Variants in PRRC2B observed in about 807,000 individuals in gnomAD.
PRRC2B encodes protein PRRC2B.
PRRC2B carries 68 observed loss-of-function variants against 242.3 expected under a neutral mutation model. That is an observed-to-expected ratio of 0.28 (90% CI 0.23 to 0.34). PRRC2B has a LOEUF of 0.34. PRRC2B is among the 10% of genes least tolerant of loss of function. PRRC2B has a pLI of 1.00. For synonymous variants in PRRC2B, 1,228 were observed against 1,173.6 expected (o/e 1.05, Z -0.95); for missense variants, 2,835 against 2,954.8 (o/e 0.96, Z 0.94).
intron 25 of PRRC2B, among the ~76,000 whole-genome samples, chr9:131,485,434 GT>G (rs1943991875): frequency 6.6e-6 from 1 of 152,168 alleles, no homozygotes; most frequent in African/African-American, 2.4e-5. Flanking sequence ...TGCTGGAGCC[GT>G]GTCGCCTCGG....
In PRRC2B at chr9:131,438,392, C is replaced by T. The variant is rs974342041; in HGVS notation, c.397-597C>T. On this transcript the variant is annotated intron_variant, in intron 4 of 31. Coordinates refer to ENST00000683519, the MANE Select transcript of PRRC2B (RefSeq NM_013318.4). ...TCTCAGGGGGTGGTGAGCATTCAGTCAGGCTGGGTGTGCTTCGCATAATGC... is the reference window on the plus strand; with the variant it reads ...TCTCAGGGGGTGGTGAGCATTCAGTTAGGCTGGGTGTGCTTCGCATAATGC... Among the ~76,000 whole-genome samples the T allele has an allele frequency of 3.3e-5, 5 of 152,080 alleles. No individual in the cohort carries two copies. In the South Asian group the frequency reaches 6.2e-4, roughly 19 times the overall value.
intron 1 of PRRC2B, among the ~76,000 whole-genome samples, chr9:131,386,950 A>G (rs1362140272): frequency 6.7e-6 from 1 of 150,136 alleles, no homozygotes; most frequent in Admixed American, 7.0e-5. Flanking sequence ...CCAAAACTGA[A>G]GAACTTTGGG....
chr9:131,400,574 T>C (rs1837202449), intron 1 of PRRC2B, among the ~76,000 whole-genome samples: 1 of 152,140 alleles, frequency 6.6e-6, no homozygotes, highest in Admixed American at 6.5e-5. Flanking sequence ...TGCCTTGGCC[T>C]CCCAAAGTGC....
chr9:131,394,138 G>A lies in PRRC2B; in HGVS notation c.-177G>A, dbSNP rs1281528771. On this transcript the variant is annotated 5_prime_UTR_variant, in exon 1 of 32. Coordinates refer to ENST00000683519, the MANE Select transcript of PRRC2B (RefSeq NM_013318.4). ...AGCGACGAGCGAGCCCGGGAGGAGGGAGGGAGCGAGCGAGCGAGCAGCCCG... is the reference window on the plus strand; with the variant it reads ...AGCGACGAGCGAGCCCGGGAGGAGGAAGGGAGCGAGCGAGCGAGCAGCCCG... 1 of 149,248 alleles carries A rather than the reference G, an allele frequency of 6.7e-6. No homozygotes were observed. Among genetic ancestry groups the A allele is most frequent in the Non-Finnish European group, 1.5e-5 (1 of 66,562 alleles). The allele number at this position is 149,248 out of a possible 1,614,324, so 9.2% of individuals were successfully genotyped here. A position where few individuals can be genotyped will look rare whatever the true frequency, so the allele number is the denominator to read the frequency against.
intron 1 of PRRC2B, among the ~76,000 whole-genome samples, chr9:131,388,711 T>G (rs1836858200): frequency 1.3e-5 from 2 of 149,716 alleles, no homozygotes; most frequent in Non-Finnish European, 3.0e-5. Flanking sequence ...GCTCAGCTAA[T>G]TTTTGTATTT....
chr9:131,466,947 G>A (rs1399869183), intron 12 of PRRC2B, among the ~76,000 whole-genome samples: 1 of 152,030 alleles, frequency 6.6e-6, no homozygotes, highest in African/African-American at 2.4e-5. Flanking sequence ...GACTACAGGT[G>A]CCCGCCACCA....
intron 1 of PRRC2B, among the ~76,000 whole-genome samples, chr9:131,374,105 T>A (rs576141930): frequency 1.3e-4 from 20 of 151,546 alleles, no homozygotes; most frequent in Admixed American, 8.5e-4. Context: ...AAAGGTAACG[T>A]TTGAGGTAAT....
intron 1 of PRRC2B, among the ~76,000 whole-genome samples, chr9:131,385,993 A>G (rs1216423856): frequency 6.6e-6 from 1 of 150,488 alleles, no homozygotes; most frequent in Non-Finnish European, 1.5e-5. Context: ...GCGCCCGGCC[A>G]TCATTCTTAT....
In PRRC2B at chr9:131,426,065, C is replaced by T. The variant is rs552706515; in HGVS notation, c.-51-4029C>T. 2.1e-4 allele frequency among the ~76,000 whole-genome samples: 32 copies of T among 151,816 alleles called. No individual in the cohort carries two copies. In the South Asian group the frequency reaches 5.0e-3, roughly 24 times the overall value. On this transcript the variant is annotated intron_variant, in intron 1 of 31. Transcript: ENST00000683519. ...AGAAATCATTCGATGTTGCCAGGCACGGTGGCTCATGTCTTTAATCCCAGC... is the reference window on the plus strand; with the variant it reads ...AGAAATCATTCGATGTTGCCAGGCATGGTGGCTCATGTCTTTAATCCCAGC...
At chr9:131,465,104 A>T (rs772553207) in intron 12 of PRRC2B, 26 bp downstream of exon 12, 46 of 1,580,502 alleles carry the variant, frequency 2.9e-5, no homozygotes, top group Non-Finnish European at 2.6e-6. Context: ...TCTTCCCACC[A>T]ACTGGAAACC....
intron 26 of PRRC2B, among the ~76,000 whole-genome samples, chr9:131,486,901 C>CA (rs1199015770): frequency 1.3e-5 from 2 of 152,242 alleles, no homozygotes; most frequent in Non-Finnish European, 1.5e-5. Context: ...TTTTGGAACT[C>CA]ACCTCTGTTG....
chr9:131,424,260 T>C (rs1365806856), intron 1 of PRRC2B, among the ~76,000 whole-genome samples: 1 of 152,170 alleles, frequency 6.6e-6, no homozygotes, highest in Admixed American at 6.5e-5. Flanking sequence ...ATTATTTCTG[T>C]GGCTGTCAGT....
chr9:131,496,010 C>A lies in PRRC2B; in HGVS notation c.*136C>A, dbSNP rs1944325062. On this transcript the variant is annotated 3_prime_UTR_variant, in exon 32 of 32. Transcript: ENST00000683519. ...CCAGACTGAGAGACCTCCCTCCTCT[C>A]CACTCCCGAAAGCTCCGTTGTCAAC... is the stretch of plus-strand genomic sequence containing the variant. The A allele has an allele frequency of 8.2e-7, 1 of 1,220,680 alleles. No homozygotes were observed. Among genetic ancestry groups the A allele is most frequent in the Non-Finnish European group, 1.1e-6 (1 of 889,908 alleles). The allele number at this position is 1,220,680 out of a possible 1,614,324, so 75.6% of individuals were successfully genotyped here.
Position 131,491,485 on chromosome 9 carries a change from A to C in PRRC2B, c.6286A>C (p.Ile2096Leu), listed in dbSNP as rs374251056. The C allele has an allele frequency of 1.2e-6, 2 of 1,612,402 alleles. No homozygotes were observed. The highest frequency in any genetic ancestry group is 1.1e-5 in the South Asian group (1 of 90,868). Residue 2096 changes from isoleucine (I) to leucine (L), a missense_variant, in exon 29 of 32, where the codon ATT (isoleucine) becomes CTT (leucine). Physicochemically the swap from Ile to Leu is conservative, Grantham distance 5. Transcript: ENST00000683519. ...GQQPLILPQSIQLPPGQSLSV... is the reference protein window; with the variant it reads ...GQQPLILPQSLQLPPGQSLSV... The stretch of plus-strand genomic sequence containing the variant: ...GCAGCCACTGATCCTGCCCCAGTCT[A>C]TTCAGCTGCCACCTGGGCAGAGCCT...
At chr9:131,399,700 C>T (rs1019152376) in intron 1 of PRRC2B, among the ~76,000 whole-genome samples, 1 of 152,212 alleles carries the variant, frequency 6.6e-6, no homozygotes, top group African/African-American at 2.4e-5. Context: ...CTGATAATGT[C>T]TGTGTTTTCT....
Position 131,478,635 on chromosome 9 carries a change from TGGGGGGG to T in PRRC2B, c.4758+17_4758+23del. 5.7e-6 allele frequency: 1 copy of T among 176,686 alleles called. No homozygotes were observed. Among genetic ancestry groups the T allele is most frequent in the Non-Finnish European group, 1.1e-5 (1 of 89,452 alleles). The allele number at this position is 176,686 out of a possible 1,614,324, so 10.9% of individuals were successfully genotyped here. A position where few individuals can be genotyped will look rare whatever the true frequency, so the allele number is the denominator to read the frequency against. ...GGCCGTGCAGGTGAGGGGCGGAGGG[TGGGGGGG>T]CATGGGGCTGGAGGGCAGGCTGGCA... On this transcript the variant is annotated intron_variant, in intron 18 of 31. Transcript: ENST00000683519.
In PRRC2B at chr9:131,447,174, T is replaced by A; in HGVS notation, c.945T>A (p.Pro315=). ...AGCTCCGCCTTGAACCTCGAGTTCC[T>A]TTTAGACAGTTCCAGATGAATGACC... The part of the protein sequence containing the change: ...LPQLRLEPRV[P]FRQFQMNDQD... Residue 315 remains proline, a synonymous_variant, in exon 8 of 32, where the codon CCT becomes CCA. Coordinates refer to ENST00000683519, the MANE Select transcript of PRRC2B (RefSeq NM_013318.4). 1 of 1,613,978 alleles carries A rather than the reference T, an allele frequency of 6.2e-7. No individual in the cohort carries two copies. Among genetic ancestry groups the A allele is most frequent in the Non-Finnish European group, 8.5e-7 (1 of 1,179,868 alleles).
upstream of PRRC2B, among the ~76,000 whole-genome samples, chr9:131,392,700 C>T (rs1002765589): frequency 6.6e-6 from 1 of 152,004 alleles, no homozygotes; most frequent in Non-Finnish European, 1.5e-5. Flanking sequence ...ATCACTTTAG[C>T]GCAGGAGTTC....
chr9:131,486,521 G>A (rs1944029651), intron 26 of PRRC2B: 13 of 985,400 alleles, frequency 1.3e-5, no homozygotes, highest in Non-Finnish European at 1.2e-5. Context: ...AAACTCCCAG[G>A]CATGGATGCA....
Sources: allele counts gnomAD v4.1 joint callset (sites outside exome capture counted in the v4.1 genomes callset), GRCh38; gene constraint gnomAD v4.1.1; transcripts MANE v1.5; gene names NCBI Gene and HGNC (gene_info 2026-07-23, HGNC 2026-07-21).